The following PPP1R1C variants were observed in gnomAD, a reference collection of about 807,000 sequenced individuals.
PPP1R1C encodes the protein protein phosphatase 1 regulatory subunit 1C.
PPP1R1C carries 15 observed loss-of-function variants against 17.4 expected under a neutral mutation model. The observed-to-expected ratio is 0.86, with a 90% confidence interval of 0.58 to 1.33. PPP1R1C has a LOEUF of 1.33. PPP1R1C is among the 40% of genes most tolerant of loss of function. The pLI is 0.00. For synonymous variants in PPP1R1C, 35 were observed against 43.1 expected (o/e 0.81, Z 0.73); for missense variants, 143 against 130.0 (o/e 1.10, Z -0.48).
intron 2 of PPP1R1C, among the ~76,000 whole-genome samples, chr2:181,999,452 T>C (rs1685699248): frequency 6.6e-6 from 1 of 152,210 alleles, no homozygotes; most frequent in South Asian, 2.1e-4. Flanking sequence ...AGGTCTGTAA[T>C]GTACATATAG....
chr2:182,051,779 A>C (rs1427389536), intron 2 of PPP1R1C, among the ~76,000 whole-genome samples: 1 of 152,112 alleles, frequency 6.6e-6, no homozygotes, highest in Non-Finnish European at 1.5e-5. Context: ...TTGTTTTTTG[A>C]TATTAGAGTG....
At chr2:182,129,166 G>T (rs755426768) in exon 6 of PPP1R1C, 1 of 152,032 alleles carries the variant, frequency 6.6e-6, no homozygotes, top group Non-Finnish European at 1.5e-5. Context: ...TTCAGAAGCT[G>T]TTTCTTCACT....
chr2:182,019,508 G>T (rs1686354361), intron 2 of PPP1R1C, among the ~76,000 whole-genome samples: 1 of 152,140 alleles, frequency 6.6e-6, no homozygotes, highest in African/African-American at 2.4e-5. Flanking sequence ...TATGCTGTTT[G>T]TTCAAAAATG....
chr2:182,034,033 T>C (rs1686926353), intron 2 of PPP1R1C, among the ~76,000 whole-genome samples: 1 of 152,234 alleles, frequency 6.6e-6, no homozygotes, highest in South Asian at 2.1e-4. Flanking sequence ...ATAATGTGTG[T>C]CTTCTAGAAT....
rs545881709 is a variant in PPP1R1C at position 182,081,549 on chromosome 2, A to C, written c.241+17758A>C. 2.0e-5 allele frequency among the ~76,000 whole-genome samples: 3 copies of C among 152,314 alleles called. No individual in the cohort carries two copies. In the East Asian group the frequency reaches 5.8e-4, roughly 29 times the overall value. ...AGCACCTATTGAGTGTTGATTCTGA[A>C]AAGCATTGATCAGATAAAAGTGATC... On this transcript the variant is annotated intron_variant, in intron 4 of 4. Coordinates refer to ENST00000682840, the MANE Select transcript of PPP1R1C (RefSeq NM_001080545.3).
In PPP1R1C at chr2:181,962,837, A is replaced by C. The variant is rs1559038815; in HGVS notation, n.111+8203A>C. ...GCTAACCAGGGACCTTCACATCCAC[A>C]TGAAGACAGGGGAAGGAAGGAGAAT... is the stretch of plus-strand genomic sequence containing the variant. On this transcript the variant is annotated intron_variant and non_coding_transcript_variant, in intron 1 of 5. Transcript: ENST00000464264. The surrounding 1 kb of genome is among the most constrained non-coding windows in gnomAD (Gnocchi z 6.0). Among the ~76,000 whole-genome samples the C allele has an allele frequency of 6.6e-6, 1 of 152,156 alleles. No individual in the cohort carries two copies.
In PPP1R1C at chr2:182,007,117, C is replaced by T. The variant is rs1001518533; in HGVS notation, c.142+19218C>T. On this transcript the variant is annotated intron_variant, in intron 2 of 4. Coordinates refer to ENST00000682840, the MANE Select transcript of PPP1R1C (RefSeq NM_001080545.3). ...ATCTAGCTAGATAAAGGGCTAATTG[C>T]GTCATGTCTTTAGAGTTTCATTTTT... 9.2e-5 allele frequency among the ~76,000 whole-genome samples: 14 copies of T among 152,186 alleles called. No individual in the cohort carries two copies. In the East Asian group the frequency reaches 1.5e-3, roughly 17 times the overall value.
At chr2:182,023,735 C>G (rs1686504685) in intron 2 of PPP1R1C, 1 of 152,112 alleles carries the variant, frequency 6.6e-6, no homozygotes, top group South Asian at 2.1e-4. Context: ...ATCTTCTCAC[C>G]TCAGCTTCTC....
intron 2 of PPP1R1C, among the ~76,000 whole-genome samples, chr2:182,047,717 G>A (rs545882920): frequency 1.3e-5 from 2 of 152,256 alleles, no homozygotes; most frequent in East Asian, 1.9e-4. Flanking sequence ...TGTCTTATAA[G>A]AGAAACTAAG....
intron 4 of PPP1R1C, among the ~76,000 whole-genome samples, chr2:182,085,638 A>T (rs1484240129): frequency 6.6e-6 from 1 of 152,124 alleles, no homozygotes; most frequent in African/African-American, 2.4e-5. Flanking sequence ...CAAACCCTAA[A>T]GAATTTGCTG....
chr2:182,007,997 G>A (rs959258171), intron 2 of PPP1R1C, among the ~76,000 whole-genome samples: 1 of 152,140 alleles, frequency 6.6e-6, no homozygotes, highest in Non-Finnish European at 1.5e-5. Flanking sequence ...GAACCTAGGA[G>A]GTGGAGCTTG....
intron 4 of PPP1R1C, among the ~76,000 whole-genome samples, chr2:182,081,640 A>G (rs1688478883): frequency 6.6e-6 from 1 of 152,188 alleles, no homozygotes; most frequent in South Asian, 2.1e-4. Context: ...CTTACAAATG[A>G]ACTTCGATAA....
chr2:182,054,540 T>G (rs1035729627), intron 2 of PPP1R1C, among the ~76,000 whole-genome samples: 2 of 152,170 alleles, frequency 1.3e-5, no homozygotes, highest in Non-Finnish European at 2.9e-5. Flanking sequence ...ATGAATTGAA[T>G]TACACAGTAT....
chr2:182,016,112 T>C (rs1320545943), intron 2 of PPP1R1C, among the ~76,000 whole-genome samples: 10 of 152,070 alleles, frequency 6.6e-5, no homozygotes, highest in Admixed American at 6.6e-4. Context: ...CTGGGATGAG[T>C]GCTTCCCCCT....
chr2:182,064,934 C>G (rs1318212050), intron 4 of PPP1R1C, among the ~76,000 whole-genome samples: 2 of 152,090 alleles, frequency 1.3e-5, no homozygotes, highest in Non-Finnish European at 2.9e-5. Context: ...TTCCTCTGCT[C>G]TATTTTAGGT....
intron 4 of PPP1R1C, among the ~76,000 whole-genome samples, chr2:182,067,106 G>C (rs1688007289): frequency 6.6e-6 from 1 of 152,052 alleles, no homozygotes. Context: ...ACTTTGTAGA[G>C]CAGGGCCTAT....
intron 1 of PPP1R1C, among the ~76,000 whole-genome samples, chr2:181,972,674 A>G (rs931105209): frequency 2.6e-5 from 4 of 152,262 alleles, no homozygotes; most frequent in Middle Eastern, 3.4e-3. Flanking sequence ...TACAAAGTGA[A>G]AGGACTTGGG....
intron 4 of PPP1R1C, among the ~76,000 whole-genome samples, chr2:182,094,227 A>T (rs1688866464): frequency 6.6e-6 from 1 of 152,198 alleles, no homozygotes; most frequent in Non-Finnish European, 1.5e-5. Flanking sequence ...ACTCCCACTT[A>T]TAAAACCATC....
intron 4 of PPP1R1C, among the ~76,000 whole-genome samples, chr2:182,108,654 A>T (rs185099346): frequency 6.6e-6 from 1 of 152,240 alleles, no homozygotes; most frequent in East Asian, 1.9e-4. Flanking sequence ...TTCTTCATCT[A>T]AATCTTCCCC....
Sources: allele counts gnomAD v4.1 joint callset (sites outside exome capture counted in the v4.1 genomes callset), GRCh38; gene constraint gnomAD v4.1.1; non-coding constraint Gnocchi (gnomAD v3.1); transcripts MANE v1.5; gene names NCBI Gene and HGNC (gene_info 2026-07-23, HGNC 2026-07-21).